SPECC1L: variants seen among roughly 807,000 people sequenced by gnomAD.
The protein encoded by SPECC1L is sperm antigen with calponin homology and coiled-coil domains 1 like, also known as cytospin-A.
In SPECC1L, 40 loss-of-function variants were observed where a neutral mutation model predicts 116.8. The ratio of observed to expected loss-of-function variants is 0.34; its 90% CI spans 0.27 to 0.45. The LOEUF is 0.45. SPECC1L is among the 20% of genes least tolerant of loss of function. The probability of loss-of-function intolerance (pLI) is 1.00; values close to 1 mark genes in which losing one functional copy is unlikely to be tolerated. For synonymous variants in SPECC1L, 504 were observed against 500.6 expected, an observed-to-expected ratio of 1.01 and a Z score of -0.09; for missense variants, 1,110 against 1,373.6, an observed-to-expected ratio of 0.81 and a Z score of 3.03.
chr22:24,409,970 G>A (rs552735157), intron 14 of SPECC1L, among the ~76,000 whole-genome samples: 44 of 152,324 alleles, frequency 2.9e-4, no homozygotes, highest in Non-Finnish European at 5.4e-4. Context: ...CGTCAAGGCC[G>A]CAGTGAGTCA....
chr22:24,278,094 C>T (rs1395348612), intron 2 of SPECC1L, among the ~76,000 whole-genome samples: 1 of 152,084 alleles, frequency 6.6e-6, no homozygotes, highest in Non-Finnish European at 1.5e-5. Flanking sequence ...GTGGCTCACA[C>T]CTGTAATCCC....
rs569321997 is a variant in SPECC1L at position 24,339,789 on chromosome 22, T to C, written c.2652+1312T>C. Among the ~76,000 whole-genome samples, 14 of 152,316 alleles carry C rather than the reference T, an allele frequency of 9.2e-5. No homozygotes were observed. In the East Asian group the frequency reaches 2.7e-3, roughly 29 times the overall value. ...GTATATACAAGATGTTATGTCCTTT[T>C]TTTTTTACCCCGAAACGGGGTCTCC... On this transcript the variant is annotated intron_variant, in intron 10 of 16. Transcript: ENST00000314328.
intron 14 of SPECC1L, among the ~76,000 whole-genome samples, chr22:24,386,008 G>T (rs1361537777): frequency 6.6e-6 from 1 of 151,822 alleles, no homozygotes; most frequent in Non-Finnish European, 1.5e-5. Flanking sequence ...AGATTTCAAT[G>T]AATTAAAGTC....
At chr22:24,381,882 T>TCAAAA (rs1320019059) in intron 14 of SPECC1L, among the ~76,000 whole-genome samples, 9 of 152,284 alleles carry the variant, frequency 5.9e-5, no homozygotes, top group South Asian at 2.1e-4. Context: ...AGACTCTGTC[T>TCAAAA]CAAAACAAAA....
Position 24,321,639 on chromosome 22 carries a change from C to T in SPECC1L, c.659C>T (p.Ser220Phe). ...RAQLGINEDH[S>F]EGDEKSEKET... The stretch of plus-strand genomic sequence containing the variant: ...CAGCTGGGCATTAATGAGGATCATT[C>T]TGAGGGTGATGAAAAATCTGAGAAG... The change falls in exon 5 of 17, where the codon TCT becomes TTT. Residue 220 changes from serine (S) to phenylalanine (F), a missense_variant. Coordinates refer to ENST00000314328, the MANE Select transcript of SPECC1L (RefSeq NM_015330.6). The T allele has an allele frequency of 1.2e-6, 2 of 1,614,200 alleles. No individual in the cohort carries two copies. Among genetic ancestry groups the T allele is most frequent in the South Asian group, 1.1e-5 (1 of 91,082 alleles).
At chr22:24,342,390 G>A (rs2041194626) in intron 10 of SPECC1L, among the ~76,000 whole-genome samples, 1 of 152,156 alleles carries the variant, frequency 6.6e-6, no homozygotes, top group South Asian at 2.1e-4. Flanking sequence ...AATAGAGGAG[G>A]CCAGGTATGG....
At chr22:24,363,642 A>T (rs1226410316) in intron 12 of SPECC1L, among the ~76,000 whole-genome samples, 1 of 152,160 alleles carries the variant, frequency 6.6e-6, no homozygotes, top group Non-Finnish European at 1.5e-5. Context: ...TCTATTTTGT[A>T]TAAAGTTCTG....
chr22:24,335,028 A>G lies in SPECC1L; in HGVS notation c.2560+455A>G, dbSNP rs752416480. On this transcript the variant is annotated intron_variant, in intron 9 of 16. Coordinates refer to ENST00000314328, the MANE Select transcript of SPECC1L (RefSeq NM_015330.6). ...TCTTCAGCCTTCTCCCCATGCATCA[A>G]TGGCAGCATCACTCTACCCAGTTAC... Among the ~76,000 whole-genome samples the G allele has an allele frequency of 1.4e-3, 211 of 152,306 alleles. 1 individual carries two copies. The highest frequency in any genetic ancestry group is 2.5e-3 in the Non-Finnish European group (170 of 68,018).
intron 3 of SPECC1L, chr22:24,304,491 C>CT (rs1332933656): frequency 1.3e-5 from 2 of 152,222 alleles, no homozygotes; most frequent in African/African-American, 4.8e-5. Context: ...CTGTCAGGAG[C>CT]TGTGTCATTG....
intron 4 of SPECC1L, among the ~76,000 whole-genome samples, chr22:24,319,094 C>T (rs1185935762): frequency 1.3e-5 from 2 of 152,214 alleles, no homozygotes; most frequent in African/African-American, 4.8e-5. Context: ...TACCTGCCCA[C>T]ATTCCTCCTC....
chr22:24,384,308 AAAGAGGATTTGTCACC>A (rs2042120240), intron 14 of SPECC1L, among the ~76,000 whole-genome samples: 2 of 152,216 alleles, frequency 1.3e-5, no homozygotes, highest in Non-Finnish European at 2.9e-5. Flanking sequence ...TAGGTAACAG[AAAGAGGATTTGTCACC>A]AGCAGGCCCA....
At chr22:24,413,663 C>T (rs1025492514) in intron 16 of SPECC1L, among the ~76,000 whole-genome samples, 1 of 152,152 alleles carries the variant, frequency 6.6e-6, no homozygotes, top group Non-Finnish European at 1.5e-5. Context: ...GTTAAATATT[C>T]CCCCATTCCT....
chr22:24,384,539 G>A (rs1331047659), intron 14 of SPECC1L, among the ~76,000 whole-genome samples: 1 of 152,016 alleles, frequency 6.6e-6, no homozygotes, highest in East Asian at 1.9e-4. Flanking sequence ...GTTAGGAGGG[G>A]GACAGTAAAT....
chr22:24,294,644 A>G (rs2049223880), intron 2 of SPECC1L, among the ~76,000 whole-genome samples: 1 of 151,980 alleles, frequency 6.6e-6, no homozygotes, highest in Admixed American at 6.5e-5. Context: ...CGGCCTCCCA[A>G]AGTGCTGGGA....
Position 24,302,203 on chromosome 22 carries a change from G to T in SPECC1L, c.-29G>T. On this transcript the variant is annotated 5_prime_UTR_variant, in exon 3 of 17. Coordinates refer to ENST00000314328, the MANE Select transcript of SPECC1L (RefSeq NM_015330.6). ...CCATTTTTTTCCCACAGATTTGCTT[G>T]TAAATGCATCACGAAGAGGCAGCCC... 6.2e-7 allele frequency: 1 copy of T among 1,613,482 alleles called. No individual in the cohort carries two copies. Among genetic ancestry groups the T allele is most frequent in the Non-Finnish European group, 8.5e-7 (1 of 1,179,662 alleles).
In SPECC1L at chr22:24,365,541, T is replaced by A; in HGVS notation, c.2893T>A (p.Ser965Thr). Residue 965 changes from serine (S) to threonine (T), a missense_variant, in exon 13 of 17, where the codon TCT (serine) becomes ACT (threonine). Coordinates refer to ENST00000314328, the MANE Select transcript of SPECC1L (RefSeq NM_015330.6). ...ISAQEGASPA[S>T]LMAMGTTSPQ... The stretch of plus-strand genomic sequence containing the variant: ...TGCACAGGAGGGAGCGTCGCCAGCC[T>A]CTCTGATGGCTATGGGAACCACGTC... 2 of 1,614,078 alleles carry A rather than the reference T, an allele frequency of 1.2e-6. No individual in the cohort carries two copies. The highest frequency in any genetic ancestry group is 2.7e-5 in the African/African-American group (2 of 75,042).
At chr22:24,306,859 A>C (rs938324632) in intron 3 of SPECC1L, among the ~76,000 whole-genome samples, 6 of 152,136 alleles carry the variant, frequency 3.9e-5, no homozygotes, top group Non-Finnish European at 7.4e-5. Flanking sequence ...TTCTGTCTCT[A>C]TGAATTTCAC....
At chr22:24,281,133 AG>A (rs1412548087) in intron 2 of SPECC1L, among the ~76,000 whole-genome samples, 1 of 152,178 alleles carries the variant, frequency 6.6e-6, no homozygotes, top group Non-Finnish European at 1.5e-5. Context: ...TTTTAAAGGA[AG>A]GATGTTTTGT....
At chr22:24,344,353 A>C (rs75857254) in intron 10 of SPECC1L, among the ~76,000 whole-genome samples, 3 of 152,134 alleles carry the variant, frequency 2.0e-5, no homozygotes, top group Non-Finnish European at 4.4e-5. Flanking sequence ...TAAAAAAAAA[A>C]ACATTAATCT....
Sources: gnomAD v4.1 joint callset for allele counts (sites outside exome capture counted in the v4.1 genomes callset) on GRCh38, gnomAD v4.1.1 for gene constraint, MANE v1.5 for transcripts, NCBI Gene and HGNC (gene_info 2026-07-23, HGNC 2026-07-21) for gene names.